PCDH11Y: variants seen among roughly 807,000 people sequenced by gnomAD.
PCDH11Y encodes the protein protocadherin 11 Y-linked.
For synonymous variants in PCDH11Y, 9 were observed against 83.6 expected, an observed-to-expected ratio of 0.11 and a Z score of 4.87; for missense variants, 12 against 224.8, an observed-to-expected ratio of 0.05 and a Z score of 6.05.
intron 2 of PCDH11Y, among the ~76,000 whole-genome samples, chrY:5,374,940 A>G: frequency 5.9e-5 from 2 of 33,670 alleles, no homozygotes; most frequent in Admixed American, 5.5e-4. Flanking sequence ...CTTTATGGAT[A>G]CAACACAGTT....
intron 2 of PCDH11Y, among the ~76,000 whole-genome samples, chrY:5,481,996 C>CTTTTTTTT (rs757309451): frequency 2.0e-4 from 3 of 14,999 alleles, no homozygotes; most frequent in East Asian, 1.7e-3. Flanking sequence ...GTTCTTTTTT[C>CTTTTTTTT]TTTTTTTTTT....
downstream of PCDH11Y, among the ~76,000 whole-genome samples, chrY:5,106,447 G>T (rs2052792126): frequency 3.2e-5 from 1 of 30,991 alleles, no homozygotes; most frequent in African/African-American, 1.3e-4. Context: ...TAATATATAG[G>T]TAATATTTTA....
chrY:5,462,658 C>T (rs2053304662), intron 2 of PCDH11Y, among the ~76,000 whole-genome samples: 1 of 31,495 alleles, frequency 3.2e-5, no homozygotes, highest in Non-Finnish European at 7.6e-5. Flanking sequence ...ATTTTTGAGA[C>T]GGAGTTTCGC....
chrY:5,278,980 T>G, intron 2 of PCDH11Y, among the ~76,000 whole-genome samples: 1 of 33,471 alleles, frequency 3.0e-5, no homozygotes, highest in African/African-American at 1.2e-4. Flanking sequence ...CAAGATATTT[T>G]ATGTGAAAAT....
At chrY:5,189,482 C>T in intron 2 of PCDH11Y, among the ~76,000 whole-genome samples, 1 of 32,327 alleles carries the variant, frequency 3.1e-5, no homozygotes, top group Non-Finnish European at 7.5e-5. Flanking sequence ...GACTAGGGTA[C>T]GGGCTTCAAC....
At chrY:5,452,918 T>A in intron 2 of PCDH11Y, among the ~76,000 whole-genome samples, 1 of 33,396 alleles carries the variant, frequency 3.0e-5, no homozygotes, top group Non-Finnish European at 7.4e-5. Context: ...TCAGAGAAAA[T>A]GTTAAAGTAT....
At chrY:5,320,266 G>A in intron 2 of PCDH11Y, among the ~76,000 whole-genome samples, 1 of 33,739 alleles carries the variant, frequency 3.0e-5, no homozygotes, top group Non-Finnish European at 7.4e-5. Context: ...AAAATATATG[G>A]CATTTAAACC....
At chrY:5,445,432 T>TTCTTCC (rs1343381569) in intron 2 of PCDH11Y, among the ~76,000 whole-genome samples, 1 of 30,343 alleles carries the variant, frequency 3.3e-5, no homozygotes. Flanking sequence ...CCTCTTCTTC[T>TTCTTCC]TCTTCCTCTT....
intron 4 of PCDH11Y, among the ~76,000 whole-genome samples, chrY:5,622,603 G>C: frequency 1.2e-4 from 4 of 32,198 alleles, no homozygotes; most frequent in Admixed American, 1.2e-3. Flanking sequence ...TTACATGCAT[G>C]CATATGTTCA....
intron 2 of PCDH11Y, among the ~76,000 whole-genome samples, chrY:5,305,519 A>T (rs1602901726): frequency 4.8e-4 from 16 of 33,060 alleles, no homozygotes; most frequent in African/African-American, 1.9e-3. Flanking sequence ...GGTGATAAAA[A>T]TGTCCTTCCA....
At chrY:5,078,040 C>T in intron 1 of PCDH11Y, among the ~76,000 whole-genome samples, 1 of 32,060 alleles carries the variant, frequency 3.1e-5, no homozygotes, top group Non-Finnish European at 7.6e-5. Context: ...CCTAACTGGC[C>T]TCAGTGTGTG....
intron 3 of PCDH11Y, among the ~76,000 whole-genome samples, chrY:5,045,695 C>A (rs2052634533): frequency 3.0e-5 from 1 of 33,142 alleles, no homozygotes; most frequent in Non-Finnish European, 7.4e-5. Flanking sequence ...TGGATAATAT[C>A]CTGCAGAGTG....
intron 3 of PCDH11Y, among the ~76,000 whole-genome samples, chrY:5,536,151 C>G: frequency 2.8e-4 from 9 of 31,863 alleles, no homozygotes; most frequent in African/African-American, 9.9e-4. Context: ...TGGTCTTGAT[C>G]TCCTGACCTC....
intron 4 of PCDH11Y, among the ~76,000 whole-genome samples, chrY:5,709,243 A>G: frequency 3.2e-5 from 1 of 31,334 alleles, no homozygotes; most frequent in Admixed American, 3.0e-4. Flanking sequence ...TTTCCCCAAA[A>G]TGCCTTTGAA....
intron 2 of PCDH11Y, among the ~76,000 whole-genome samples, chrY:5,172,992 A>G (rs2124645803): frequency 3.0e-5 from 1 of 33,106 alleles, no homozygotes; most frequent in South Asian, 6.6e-4. Flanking sequence ...TGACTAGGAA[A>G]AAACATTAAA....
At chrY:5,150,209 T>C in intron 2 of PCDH11Y, among the ~76,000 whole-genome samples, 1 of 32,661 alleles carries the variant, frequency 3.1e-5, no homozygotes, top group Non-Finnish European at 7.5e-5. Context: ...TAATTGTACA[T>C]ATTTATGGGT....
chrY:5,266,284 C>T, intron 2 of PCDH11Y, among the ~76,000 whole-genome samples: 2 of 33,342 alleles, frequency 6.0e-5, no homozygotes, highest in Non-Finnish European at 1.5e-4. Context: ...TGCCTGTAAT[C>T]CCAGCACTTT....
chrY:5,544,999 C>T, intron 3 of PCDH11Y, among the ~76,000 whole-genome samples: 2 of 31,616 alleles, frequency 6.3e-5, no homozygotes, highest in African/African-American at 1.2e-4. Flanking sequence ...ATTTTAAATT[C>T]CCTTTAAAGA....
intron 3 of PCDH11Y, among the ~76,000 whole-genome samples, chrY:5,523,387 C>T (rs2053383321): frequency 3.1e-5 from 1 of 32,139 alleles, no homozygotes; most frequent in African/African-American, 1.2e-4. Flanking sequence ...AAGATTTCTC[C>T]CTCTCTTGCC....
Sources: gnomAD v4.1 joint callset for allele counts (sites outside exome capture counted in the v4.1 genomes callset) on GRCh38, gnomAD v4.1.1 for gene constraint, MANE v1.5 for transcripts, NCBI Gene and HGNC (gene_info 2026-07-23, HGNC 2026-07-21) for gene names.